The following RCSD1 variants were observed in gnomAD, a reference collection of about 807,000 sequenced individuals.
RCSD1 encodes RCSD domain containing 1.
Under a neutral mutation model 42.5 loss-of-function variants are expected in RCSD1, and 26 were observed. That is an observed-to-expected ratio of 0.61 (90% CI 0.45 to 0.85). RCSD1 has a LOEUF of 0.85. RCSD1 is among the 40% of genes least tolerant of loss of function. The pLI is 0.00. For synonymous variants in RCSD1, 220 were observed against 212.2 expected, an observed-to-expected ratio of 1.04 and a Z score of -0.32; for missense variants, 571 against 528.3, an observed-to-expected ratio of 1.08 and a Z score of -0.79.
chr1:167,668,904 G>A (rs1658726063), intron 1 of RCSD1, among the ~76,000 whole-genome samples: 1 of 152,138 alleles, frequency 6.6e-6, no homozygotes, highest in Non-Finnish European at 1.5e-5. Context: ...GTATATCTAG[G>A]CATTCATAAA....
At position 167,701,252 on chromosome 1, in the gene RCSD1, G is replaced by GTTTCTTTCTTTCTTTC. The variant is rs11446259; in HGVS notation, c.1219-3360_1219-3345dup. Among the ~76,000 whole-genome samples the GTTTCTTTCTTTCTTTC allele has an allele frequency of 8.6e-3, 831 of 96,100 alleles. 21 individuals carry two copies. The highest frequency in any genetic ancestry group is 0.029 in the East Asian group (86 of 2,976). 63.0% of individuals were successfully genotyped at this position (96,100 alleles called of 152,430 possible). A position where few individuals can be genotyped will look rare whatever the true frequency, so the allele number is the denominator to read the frequency against. ...TGACGCCACTTAACCCAATTGCCTA[G>GTTTCTTTCTTTCTTTC]TTTCTTTCTTTCTTTCTTTCTTTCT... On this transcript the variant is annotated intron_variant, in intron 6 of 6. Transcript: ENST00000367854.
rs1232477785 is a variant in RCSD1 at position 167,681,596 on chromosome 1, G to C, written c.7-2304G>C. ...CTAGTTTTGGGACAGGGAAGTAAGG[G>C]AGGAGCTTTTGATTCCTATACAGCT... On this transcript the variant is annotated intron_variant, in intron 1 of 6. Coordinates refer to ENST00000367854, the MANE Select transcript of RCSD1 (RefSeq NM_052862.4). 3.3e-5 allele frequency among the ~76,000 whole-genome samples: 5 copies of C among 152,296 alleles called. No individual in the cohort carries two copies. In the East Asian group the frequency reaches 7.7e-4, roughly 23 times the overall value.
At chr1:167,634,680 T>C (rs1361119707) in intron 1 of RCSD1, among the ~76,000 whole-genome samples, 1 of 152,238 alleles carries the variant, frequency 6.6e-6, no homozygotes, top group Non-Finnish European at 1.5e-5. Context: ...ACTAAATCCT[T>C]TGTTTGTTCA....
At position 167,701,721 on chromosome 1, in the gene RCSD1, C is replaced by T. The variant is rs115817486; in HGVS notation, c.1219-2943C>T. On this transcript the variant is annotated intron_variant, in intron 6 of 6. Transcript: ENST00000367854. ...CCTGCCCAATCATCAGAATAAACTG[C>T]TTACAAAGTACCTGTGCACGTGTGC... is the stretch of plus-strand genomic sequence containing the variant. 3.5e-3 allele frequency among the ~76,000 whole-genome samples: 536 copies of T among 152,330 alleles called. 4 individuals are homozygous for T. Among genetic ancestry groups the T allele is most frequent in the African/African-American group, 0.012 (516 of 41,572 alleles).
intron 1 of RCSD1, among the ~76,000 whole-genome samples, chr1:167,631,677 T>A (rs949666436): frequency 4.6e-5 from 7 of 152,188 alleles, no homozygotes; most frequent in African/African-American, 1.7e-4. Context: ...TAGAGACAAG[T>A]TCTCACTATA....
chr1:167,663,034 A>G (rs1229373), intron 1 of RCSD1, among the ~76,000 whole-genome samples: 49,991 of 152,170 alleles, frequency 0.33, 8,687 homozygotes, highest in Middle Eastern at 0.37. Context: ...GAAGGTCATC[A>G]GGGCCAGTGA....
At position 167,665,585 on chromosome 1, in the gene RCSD1, T is replaced by C. The variant is rs1658638002; in HGVS notation, c.7-18315T>C. ...TACTGTTTCACATTCCCACCAACAA[T>C]ATAGGAGTGATCCAGTTGTTCTGCA... On this transcript the variant is annotated intron_variant, in intron 1 of 6. Transcript: ENST00000367854. Among the ~76,000 whole-genome samples the C allele has an allele frequency of 2.0e-5, 3 of 152,318 alleles. No homozygotes were observed. The South Asian group carries it at 6.2e-4, about 32-fold the overall frequency.
In RCSD1 at chr1:167,697,794, G is replaced by A. The variant is rs760834027; in HGVS notation, c.1170G>A (p.Leu390=). ...GCSPQTGPAQ[L]ETSSEVQSEP... ...GCCCCCAGACCGGCCCTGCCCAGCTGGAGACCAGCAGTGAGGTCCAGAGCG... is the reference window on the plus strand; with the variant it reads ...GCCCCCAGACCGGCCCTGCCCAGCTAGAGACCAGCAGTGAGGTCCAGAGCG... Residue 390 remains leucine (L), a synonymous_variant, in exon 6 of 7, where the codon CTG becomes CTA. Transcript: ENST00000367854. 23 of 1,483,528 alleles carry A rather than the reference G, an allele frequency of 1.6e-5. No homozygotes were observed. The highest frequency in any genetic ancestry group is 9.9e-5 in the African/African-American group (7 of 71,002). 91.9% of individuals were successfully genotyped at this position (1,483,528 alleles called of 1,614,324 possible).
chr1:167,690,171 T>C (rs754534121), intron 4 of RCSD1, 51 bp downstream of exon 4: 1 of 1,571,784 alleles, frequency 6.4e-7, no homozygotes, highest in Non-Finnish European at 8.7e-7. Context: ...ACTCCACTTC[T>C]TATCCAAAAT....
At chr1:167,670,599 T>G (rs980737718) in intron 1 of RCSD1, among the ~76,000 whole-genome samples, 3 of 152,182 alleles carry the variant, frequency 2.0e-5, no homozygotes, top group African/African-American at 7.2e-5. Flanking sequence ...ACCTTGTAAT[T>G]TGAGCCAAGA....
At chr1:167,699,785 C>T (rs1007002133) in intron 6 of RCSD1, among the ~76,000 whole-genome samples, 1 of 152,204 alleles carries the variant, frequency 6.6e-6, no homozygotes, top group African/African-American at 2.4e-5. Context: ...CAAGCTCATT[C>T]CCACTTCAGA....
rs981744199 is a variant in RCSD1, at chr1:167,707,094, G to GA, written c.*2406dup. 1.3e-5 allele frequency among the ~76,000 whole-genome samples: 2 copies of GA among 151,972 alleles called. No homozygotes were observed. Among genetic ancestry groups the GA allele is most frequent in the South Asian group, 2.1e-4 (1 of 4,820 alleles). ...CTTCCTTACTCCAGAGAGGGAGCAAGAAAAAAAACCTGGATGCTTTGAAGG... is the reference window on the plus strand; with the variant it reads ...CTTCCTTACTCCAGAGAGGGAGCAAGAAAAAAAAACCTGGATGCTTTGAAGG... On this transcript the variant is annotated 3_prime_UTR_variant, in exon 7 of 7. Coordinates refer to ENST00000367854, the MANE Select transcript of RCSD1 (RefSeq NM_052862.4).
chr1:167,661,169 A>G (rs1307752844), intron 1 of RCSD1, among the ~76,000 whole-genome samples: 2 of 152,254 alleles, frequency 1.3e-5, no homozygotes, highest in East Asian at 3.8e-4. Flanking sequence ...TACCATACAC[A>G]TTGTGACTTA....
At chr1:167,632,380 G>GC (rs1558068231) in intron 1 of RCSD1, among the ~76,000 whole-genome samples, 1 of 152,194 alleles carries the variant, frequency 6.6e-6, no homozygotes, top group Non-Finnish European at 1.5e-5. Flanking sequence ...AGGGCCAAAT[G>GC]CAAGTGTCAA....
intron 1 of RCSD1, among the ~76,000 whole-genome samples, chr1:167,654,163 T>C (rs542639790): frequency 1.1e-4 from 16 of 152,338 alleles, no homozygotes; most frequent in African/African-American, 3.1e-4. Context: ...TTGGCCATTA[T>C]TGAGGAAGTG....
chr1:167,641,110 G>T (rs1348698716), intron 1 of RCSD1, among the ~76,000 whole-genome samples: 1 of 152,084 alleles, frequency 6.6e-6, no homozygotes, highest in Admixed American at 6.5e-5. Flanking sequence ...TACCCCTAGT[G>T]CCTGGGTCTC....
At chr1:167,658,860 C>T (rs1406204262) in intron 1 of RCSD1, among the ~76,000 whole-genome samples, 1 of 152,094 alleles carries the variant, frequency 6.6e-6, no homozygotes, top group Non-Finnish European at 1.5e-5. Context: ...AGTTAGCCCC[C>T]ATGGCTGTGT....
chr1:167,697,438 G>A lies in RCSD1; in HGVS notation c.814G>A (p.Asp272Asn), dbSNP rs1659526812. 3.7e-6 allele frequency: 6 copies of A among 1,612,202 alleles called. No individual in the cohort carries two copies. Among genetic ancestry groups the A allele is most frequent in the Non-Finnish European group, 5.1e-6 (6 of 1,179,248 alleles). Residue 272 changes from aspartate (D) to asparagine (N), a missense_variant, in exon 6 of 7, where the codon GAC (aspartate) becomes AAC (asparagine). By Grantham distance (23) the Asp-to-Asn change is conservative. Coordinates refer to ENST00000367854, the MANE Select transcript of RCSD1 (RefSeq NM_052862.4). ...EKARRSSEEV[D>N]GQHPAQEEVP... is the part of the protein sequence containing the mutation. Reference sequence around the variant, plus strand: ...GGCCAGGCGGAGTTCAGAGGAGGTGGACGGCCAGCACCCGGCCCAAGAGGA... The same window carrying A: ...GGCCAGGCGGAGTTCAGAGGAGGTGAACGGCCAGCACCCGGCCCAAGAGGA...
intron 1 of RCSD1, among the ~76,000 whole-genome samples, chr1:167,644,352 G>A (rs1301558456): frequency 2.6e-5 from 4 of 152,072 alleles, no homozygotes; most frequent in Non-Finnish European, 5.9e-5. Context: ...GGTGGTGTGC[G>A]CCTATAATCC....
Sources: allele counts gnomAD v4.1 joint callset (sites outside exome capture counted in the v4.1 genomes callset), GRCh38; gene constraint gnomAD v4.1.1; transcripts MANE v1.5; gene names NCBI Gene and HGNC (gene_info 2026-07-23, HGNC 2026-07-21).